Variants in TEX11 observed in about 807,000 individuals in gnomAD.
The protein encoded by TEX11 is testis expressed 11.
A neutral mutation model predicts 84.4 loss-of-function variants in TEX11; 7 were observed. The ratio of observed to expected loss-of-function variants is 0.08; its 90% CI spans 0.05 to 0.16. The LOEUF (loss-of-function observed/expected upper bound fraction) is 0.16, where lower values mean the gene tolerates loss of function less well. Among genes scored for constraint, TEX11 ranks in the 10% least tolerant of loss-of-function variants. TEX11 has a pLI of 1.00. For synonymous variants in TEX11, 264 were observed against 222.8 expected, an observed-to-expected ratio of 1.18 and a Z score of -1.64; for missense variants, 551 against 660.5, an observed-to-expected ratio of 0.83 and a Z score of 1.82.
At chrX:70,563,249 G>A (rs1311945494) in intron 25 of TEX11, among the ~76,000 whole-genome samples, 7 of 111,706 alleles carry the variant, frequency 6.3e-5, no homozygotes, top group Non-Finnish European at 9.4e-5. Flanking sequence ...CATAGAAACA[G>A]CAAATTAATG....
At chrX:70,546,946 A>C (rs1173573427) in intron 28 of TEX11, among the ~76,000 whole-genome samples, 1 of 107,803 alleles carries the variant, frequency 9.3e-6, no homozygotes, top group Non-Finnish European at 1.9e-5. Flanking sequence ...ATAGCCAAAA[A>C]GTGGAAACAA....
chrX:70,856,852 T>A (rs1312476261), intron 5 of TEX11, among the ~76,000 whole-genome samples: 1 of 96,709 alleles, frequency 1.0e-5, no homozygotes, highest in African/African-American at 4.7e-5. Flanking sequence ...AACAGATTTT[T>A]TTTTTAAAAA....
chrX:70,798,026 A>G (rs867033047), intron 9 of TEX11, among the ~76,000 whole-genome samples: 216 of 93,787 alleles, frequency 2.3e-3, no homozygotes, highest in East Asian at 0.011. Context: ...AGGCAAGATG[A>G]GGGGGGGGGA....
At chrX:70,745,140 T>C (rs2090760660) in intron 9 of TEX11, among the ~76,000 whole-genome samples, 1 of 110,585 alleles carries the variant, frequency 9.0e-6, no homozygotes, top group Admixed American at 9.8e-5. Context: ...TAAACCAATA[T>C]AGAAATAAAA....
chrX:70,540,027 A>G (rs2088021332), intron 28 of TEX11, among the ~76,000 whole-genome samples: 1 of 112,150 alleles, frequency 8.9e-6, no homozygotes, highest in Non-Finnish European at 1.9e-5. Context: ...ACCTGGAAGT[A>G]ACAAGGCTGG....
intron 4 of TEX11, among the ~76,000 whole-genome samples, chrX:70,865,257 A>G (rs2091593365): frequency 9.0e-6 from 1 of 111,539 alleles, no homozygotes; most frequent in Non-Finnish European, 1.9e-5. Context: ...TAGTCTGATA[A>G]AACACACTTT....
At chrX:70,784,016 A>G (rs1210978615) in intron 9 of TEX11, among the ~76,000 whole-genome samples, 1 of 111,645 alleles carries the variant, frequency 9.0e-6, no homozygotes, top group Non-Finnish European at 1.9e-5. Flanking sequence ...TGGCAGAGAC[A>G]CAACAAAAAA....
chrX:70,718,380 C>T (rs756133775), intron 13 of TEX11, among the ~76,000 whole-genome samples: 1 of 112,268 alleles, frequency 8.9e-6, no homozygotes, highest in African/African-American at 3.2e-5. Flanking sequence ...CATCTCTGGA[C>T]ACCAATTTCA....
At chrX:70,588,458 TCTC>T (rs1194299161) in intron 25 of TEX11, among the ~76,000 whole-genome samples, 3 of 111,422 alleles carry the variant, frequency 2.7e-5, no homozygotes, top group Non-Finnish European at 3.8e-5. Context: ...ACTCGGCACT[TCTC>T]CTTCCCATCA....
At position 70,670,451 on chromosome X, in the gene TEX11, C is replaced by T. The variant is rs4844247; in HGVS notation, c.1306G>A (p.Glu436Lys). The change falls in exon 16 of 30, where the codon GAA becomes AAA. Residue 436 changes from glutamate (E) to lysine (K), a missense_variant. Coordinates refer to ENST00000374333, the MANE Select transcript of TEX11 (RefSeq NM_031276.3). ...AGCTTGGTGAAGTCCAGATCCATTT[C>T]ATCAGTTGAATAAAACCTCAGAGAA... ...YYSLRFYSTD[E>K]MDLDFTKLQR... 0.059 allele frequency: 71,644 copies of T among 1,207,886 alleles called. 3,373 individuals are homozygous for T. The highest frequency in any genetic ancestry group is 0.32 in the Admixed American group (14,615 of 45,110).
chrX:70,833,820 C>T (rs2091390692), intron 7 of TEX11, among the ~76,000 whole-genome samples: 1 of 111,427 alleles, frequency 9.0e-6, no homozygotes, highest in East Asian at 2.8e-4. Context: ...GAGTCATTTA[C>T]TTTTTTCTGG....
chrX:70,738,240 A>T (rs1428943175), intron 11 of TEX11, among the ~76,000 whole-genome samples: 2 of 112,084 alleles, frequency 1.8e-5, no homozygotes, highest in Non-Finnish European at 3.8e-5. Context: ...CAAGGAACTT[A>T]AACAAATTTA....
At chrX:70,724,966 G>T (rs2090588321) in intron 12 of TEX11, among the ~76,000 whole-genome samples, 1 of 110,120 alleles carries the variant, frequency 9.1e-6, no homozygotes, top group Non-Finnish European at 1.9e-5. Flanking sequence ...TTTCTTCATG[G>T]TGGTAGACAA....
At chrX:70,639,404 A>G (rs1167636421) in intron 17 of TEX11, among the ~76,000 whole-genome samples, 1 of 111,840 alleles carries the variant, frequency 8.9e-6, no homozygotes, top group Non-Finnish European at 1.9e-5. Context: ...GCTCGAACTG[A>G]GTGGAGCCCA....
chrX:70,640,438 G>A (rs1231499398), intron 17 of TEX11, among the ~76,000 whole-genome samples: 4 of 105,940 alleles, frequency 3.8e-5, no homozygotes, highest in African/African-American at 1.0e-4. Flanking sequence ...GATACTCCTC[G>A]AGAAGAGCAA....
chrX:70,614,754 G>A (rs1042165326), intron 20 of TEX11, among the ~76,000 whole-genome samples: 12 of 111,524 alleles, frequency 1.1e-4, no homozygotes, highest in Non-Finnish European at 2.1e-4. Context: ...AGTTCTAGTG[G>A]TAATGGCCAT....
At chrX:70,857,327 C>T (rs2091542249) in intron 5 of TEX11, 1 of 127,265 alleles carries the variant, frequency 7.9e-6, no homozygotes, top group Non-Finnish European at 1.6e-5. Context: ...ACTGGCAAAC[C>T]TTTATCTTGG....
rs1397856035 is a variant in TEX11, at chrX:70,564,690, T to C, written c.2141-9890A>G. On this transcript the variant is annotated intron_variant, in intron 25 of 29. Transcript: ENST00000374333. ...TGTTCTTGCAATAGTTTACTGAGAA[T>C]GATGATTTCCAATTTCATCCATGTC... Among the ~76,000 whole-genome samples the C allele has an allele frequency of 3.7e-5, 4 of 107,616 alleles. No individual in the cohort carries two copies. In the South Asian group the frequency reaches 1.3e-3, roughly 34 times the overall value. The allele number at this position is 107,616 out of a possible 115,157, so 93.5% of individuals were successfully genotyped here.
In TEX11 at chrX:70,602,484, T is replaced by A. The variant is rs1326858670; in HGVS notation, c.2067+2917A>T. ...TATCTCAATAGATGCAGAAAAGGCC[T>A]TTGACAAAATTCAACAACCCTTCAT... On this transcript the variant is annotated intron_variant, in intron 24 of 29. Coordinates refer to ENST00000374333, the MANE Select transcript of TEX11 (RefSeq NM_031276.3). 4.8e-5 allele frequency among the ~76,000 whole-genome samples: 5 copies of A among 104,606 alleles called. 1 individual carries two copies. Among genetic ancestry groups the A allele is most frequent in the Admixed American group, 3.1e-4 (3 of 9,759 alleles). 90.8% of individuals were successfully genotyped at this position (104,606 alleles called of 115,157 possible).
Sources: allele counts gnomAD v4.1 joint callset (sites outside exome capture counted in the v4.1 genomes callset), GRCh38; gene constraint gnomAD v4.1.1; transcripts MANE v1.5; gene names NCBI Gene and HGNC (gene_info 2026-07-23, HGNC 2026-07-21).